WDR7: variants seen among roughly 807,000 people sequenced by gnomAD.
WDR7 encodes the protein WD repeat domain 7.
A neutral mutation model predicts 169.4 loss-of-function variants in WDR7; 46 were observed. The observed-to-expected ratio is 0.27, with a 90% confidence interval of 0.21 to 0.35. The LOEUF is 0.35. Ranked by LOEUF, WDR7 falls within the 10% of genes least tolerant of loss-of-function variation. The pLI is 1.00. For missense variants in WDR7, 1,534 were observed against 1,859.3 expected, an observed-to-expected ratio of 0.83 and a Z score of 3.22; for synonymous variants, 612 against 666.8, an observed-to-expected ratio of 0.92 and a Z score of 1.27.
chr18:56,906,835 C>T (rs1201587214), intron 21 of WDR7, among the ~76,000 whole-genome samples: 1 of 152,210 alleles, frequency 6.6e-6, no homozygotes, highest in Non-Finnish European at 1.5e-5. Context: ...AGCCACCATG[C>T]CCAGTCTACA....
chr18:56,983,582 G>A (rs560424693), intron 26 of WDR7, among the ~76,000 whole-genome samples: 1 of 151,846 alleles, frequency 6.6e-6, no homozygotes, highest in South Asian at 2.1e-4. Flanking sequence ...GAGAGAGAGA[G>A]AGAGAGAGAG....
At chr18:57,015,817 G>A (rs2048198193) in intron 26 of WDR7, among the ~76,000 whole-genome samples, 2 of 152,220 alleles carry the variant, frequency 1.3e-5, no homozygotes, top group South Asian at 4.1e-4. Context: ...GGTATTTGCA[G>A]GTCTTTGGTA....
intron 26 of WDR7, among the ~76,000 whole-genome samples, chr18:57,017,132 A>G (rs554793240): frequency 3.7e-4 from 57 of 152,362 alleles, no homozygotes; most frequent in African/African-American, 1.3e-3. Flanking sequence ...AAGTCAGTTC[A>G]GGTGGTGCCT....
rs111285324 is a variant in WDR7 at position 56,846,816 on chromosome 18, G to A, written c.3304+30672G>A. 2.4e-3 allele frequency among the ~76,000 whole-genome samples: 359 copies of A among 152,232 alleles called. 3 individuals are homozygous for A. The highest frequency in any genetic ancestry group is 8.4e-3 in the African/African-American group (348 of 41,526). ...GAGGCTCTCACCAGAAGCAGATGTG[G>A]ACACCACATTTCCTATACAGCCTGC... On this transcript the variant is annotated intron_variant, in intron 20 of 27. Coordinates refer to ENST00000254442, the MANE Select transcript of WDR7 (RefSeq NM_015285.3).
chr18:56,798,663 A>C (rs990997881), intron 19 of WDR7, among the ~76,000 whole-genome samples: 1 of 152,062 alleles, frequency 6.6e-6, no homozygotes, highest in Non-Finnish European at 1.5e-5. Flanking sequence ...GTATTTTTCT[A>C]TGTTATTTAT....
At chr18:56,962,958 A>G (rs1216162460) in intron 26 of WDR7, among the ~76,000 whole-genome samples, 1 of 152,194 alleles carries the variant, frequency 6.6e-6, no homozygotes, top group Non-Finnish European at 1.5e-5. Flanking sequence ...TTCAAAAAAG[A>G]AAAAATCACA....
chr18:56,974,164 C>G (rs1044934140), intron 26 of WDR7, among the ~76,000 whole-genome samples: 2 of 152,082 alleles, frequency 1.3e-5, no homozygotes, highest in Admixed American at 6.5e-5. Context: ...CCATCTTTTA[C>G]AGTTATCTCA....
chr18:56,672,005 G>C (rs1385139391), intron 1 of WDR7, among the ~76,000 whole-genome samples: 1 of 152,150 alleles, frequency 6.6e-6, no homozygotes, highest in African/African-American at 2.4e-5. Context: ...TACAACTTGG[G>C]ATCTGAAGGT....
intron 14 of WDR7, among the ~76,000 whole-genome samples, chr18:56,750,534 A>G (rs1056611213): frequency 2.6e-5 from 4 of 152,220 alleles, no homozygotes; most frequent in Admixed American, 2.0e-4. Flanking sequence ...AACTGAATTT[A>G]ATCTTCTTCC....
chr18:56,742,837 A>G (rs2043641004), intron 14 of WDR7, among the ~76,000 whole-genome samples: 1 of 152,162 alleles, frequency 6.6e-6, no homozygotes, highest in Non-Finnish European at 1.5e-5. Flanking sequence ...GAAGCAGGAA[A>G]TACCACGTGC....
At chr18:56,664,409 T>A (rs2024973719) in intron 1 of WDR7, among the ~76,000 whole-genome samples, 1 of 152,048 alleles carries the variant, frequency 6.6e-6, no homozygotes, top group East Asian at 1.9e-4. Flanking sequence ...TGGATAAAAA[T>A]GAAATGTAGA....
intron 26 of WDR7, among the ~76,000 whole-genome samples, chr18:56,974,362 C>CTTTTTTTTTTTT (rs34901751): frequency 4.5e-5 from 5 of 111,816 alleles, no homozygotes; most frequent in African/African-American, 1.7e-4. Flanking sequence ...GCTTTTCTTG[C>CTTTTTTTTTTTT]TTTTTTTTTT....
chr18:56,936,752 T>C (rs2046966118), intron 23 of WDR7, among the ~76,000 whole-genome samples: 1 of 152,186 alleles, frequency 6.6e-6, no homozygotes, highest in Admixed American at 6.5e-5. Flanking sequence ...AAAGTCCTAA[T>C]AGCATTTTGT....
chr18:56,806,236 G>A (rs1314684050), intron 19 of WDR7, among the ~76,000 whole-genome samples: 1 of 151,908 alleles, frequency 6.6e-6, no homozygotes, highest in Admixed American at 6.6e-5. Context: ...TCTTTGCCTA[G>A]AATAACTATC....
intron 12 of WDR7, 74 bp from the exon 13 acceptor site, chr18:56,717,890 T>G (rs1366555005): frequency 4.9e-6 from 7 of 1,422,674 alleles, no homozygotes; most frequent in Non-Finnish European, 6.5e-6. Context: ...AATTTTGCCT[T>G]AAGTTATTGA....
intron 13 of WDR7, chr18:56,721,722 T>C (rs959276232): frequency 2.0e-5 from 3 of 152,256 alleles, no homozygotes; most frequent in African/African-American, 7.2e-5. Flanking sequence ...GAATCCTGTC[T>C]GTTTGGGAAA....
chr18:56,800,152 G>T (rs911128017), intron 19 of WDR7, among the ~76,000 whole-genome samples: 3 of 152,028 alleles, frequency 2.0e-5, no homozygotes, highest in Non-Finnish European at 4.4e-5. Flanking sequence ...AACTTTGTTT[G>T]CAAGTTAATT....
At chr18:56,669,575 T>C (rs2025090596) in intron 1 of WDR7, among the ~76,000 whole-genome samples, 1 of 152,120 alleles carries the variant, frequency 6.6e-6, no homozygotes, top group Admixed American at 6.6e-5. Context: ...TCTAAGAACA[T>C]ATCAATTTGT....
Position 56,691,346 on chromosome 18 carries a change from A to T in WDR7, c.848A>T (p.Tyr283Phe). 1 of 1,592,730 alleles carries T rather than the reference A, an allele frequency of 6.3e-7. No homozygotes were observed. Among genetic ancestry groups the T allele is most frequent in the Non-Finnish European group, 8.5e-7 (1 of 1,175,336 alleles). The stretch of plus-strand genomic sequence containing the variant: ...ACAGAAAATGGGCAAAGTTATATTT[A>T]CAAACTACCTGCCAGGTATGCAGCA... ...IWTENGQSYI[Y>F]KLPASCLPAS... Residue 283 changes from tyrosine to phenylalanine, a missense_variant, in exon 8 of 28, where the codon TAC becomes TTC. Transcript: ENST00000254442.
Sources: allele counts gnomAD v4.1 joint callset (sites outside exome capture counted in the v4.1 genomes callset), GRCh38; gene constraint gnomAD v4.1.1; transcripts MANE v1.5; gene names NCBI Gene and HGNC (gene_info 2026-07-23, HGNC 2026-07-21).